Variants in CNTN6 observed in about 807,000 individuals in gnomAD.
The protein encoded by CNTN6 is contactin-6.
In CNTN6, 137 loss-of-function variants were observed where a neutral mutation model predicts 122.8. That is an observed-to-expected ratio of 1.12 (90% CI 0.97 to 1.29). The LOEUF (loss-of-function observed/expected upper bound fraction) is 1.29. Among genes scored for constraint, CNTN6 ranks in the 50% most tolerant of loss-of-function variants. The pLI, the probability that CNTN6 is intolerant of heterozygous loss-of-function variation, is 0.00. For missense variants in CNTN6, 1,634 were observed against 1,223.4 expected (o/e 1.34, Z -5.01); for synonymous variants, 570 against 426.0 (o/e 1.34, Z -4.16).
At chr3:1,149,630 T>C (rs183919239) in intron 2 of CNTN6, among the ~76,000 whole-genome samples, 4 of 152,282 alleles carry the variant, frequency 2.6e-5, no homozygotes, top group Admixed American at 6.5e-5. Context: ...AGTATTTTGA[T>C]TGGTGACACC....
At chr3:1,400,325 G>A (rs906044189) in intron 20 of CNTN6, among the ~76,000 whole-genome samples, 6 of 152,032 alleles carry the variant, frequency 3.9e-5, no homozygotes, top group South Asian at 2.1e-4. Context: ...GACTGAAAGC[G>A]CTAGACCAAG....
At chr3:1,392,118 A>T (rs1694243672) in intron 20 of CNTN6, among the ~76,000 whole-genome samples, 2 of 152,258 alleles carry the variant, frequency 1.3e-5, no homozygotes, top group South Asian at 4.1e-4. Context: ...AGCCAAAAGA[A>T]CAAAGCTGGA....
chr3:1,186,069 T>C (rs1450479769), intron 2 of CNTN6, among the ~76,000 whole-genome samples: 1 of 152,140 alleles, frequency 6.6e-6, no homozygotes, highest in Non-Finnish European at 1.5e-5. Flanking sequence ...GTTTATTGTT[T>C]AATATAGAAT....
intron 1 of CNTN6, among the ~76,000 whole-genome samples, chr3:1,110,466 T>C (rs140426757): frequency 8.5e-4 from 129 of 152,230 alleles, no homozygotes; most frequent in Middle Eastern, 3.4e-3. Flanking sequence ...ATCAATACCA[T>C]GCATTGTTCC....
At chr3:1,159,322 A>G (rs1318072408) in intron 2 of CNTN6, among the ~76,000 whole-genome samples, 2 of 152,000 alleles carry the variant, frequency 1.3e-5, no homozygotes, top group African/African-American at 4.8e-5. Context: ...GGTAGCATAC[A>G]CAGCGGGGGT....
intron 5 of CNTN6, among the ~76,000 whole-genome samples, chr3:1,286,373 G>C (rs748479997): frequency 6.6e-6 from 1 of 152,038 alleles, no homozygotes; most frequent in Non-Finnish European, 1.5e-5. Context: ...GTAGGCCCCA[G>C]TGTGTGATGG....
At chr3:1,242,871 G>A in intron 4 of CNTN6, among the ~76,000 whole-genome samples, 1 of 152,260 alleles carries the variant, frequency 6.6e-6, no homozygotes, top group East Asian at 1.9e-4. Context: ...GTTTTCAGGG[G>A]TTTTGAAGCC....
At chr3:1,369,710 T>G (rs998652785) in intron 12 of CNTN6, among the ~76,000 whole-genome samples, 2 of 152,152 alleles carry the variant, frequency 1.3e-5, no homozygotes, top group Admixed American at 6.5e-5. Flanking sequence ...GCAGTTTTGC[T>G]CTGTCAACAC....
chr3:1,131,851 G>A (rs2092344999), intron 1 of CNTN6, among the ~76,000 whole-genome samples: 1 of 152,034 alleles, frequency 6.6e-6, no homozygotes, highest in East Asian at 1.9e-4. Flanking sequence ...CCTGCGGGAT[G>A]GAAAGTTTGA....
At chr3:1,339,382 A>G (rs983427253) in intron 11 of CNTN6, among the ~76,000 whole-genome samples, 1 of 152,172 alleles carries the variant, frequency 6.6e-6, no homozygotes, top group African/African-American at 2.4e-5. Flanking sequence ...TTTATTTATA[A>G]GTATAGTGGC....
chr3:1,161,805 CAT>C (rs1292129114), intron 2 of CNTN6, among the ~76,000 whole-genome samples: 12 of 148,990 alleles, frequency 8.1e-5, no homozygotes, highest in Non-Finnish European at 1.0e-4. Flanking sequence ...CACACACAAA[CAT>C]ATATATGTTC....
At chr3:1,260,351 A>G (rs2094825581) in intron 4 of CNTN6, among the ~76,000 whole-genome samples, 1 of 152,106 alleles carries the variant, frequency 6.6e-6, no homozygotes, top group South Asian at 2.1e-4. Context: ...TATGCAACAT[A>G]ACACCTCTTA....
chr3:1,128,616 T>C (rs11919769), intron 1 of CNTN6, among the ~76,000 whole-genome samples: 60,209 of 151,776 alleles, frequency 0.4, 12,621 homozygotes, highest in East Asian at 0.48. Flanking sequence ...GATCATTGAG[T>C]TTAGAAACTA....
intron 2 of CNTN6, among the ~76,000 whole-genome samples, chr3:1,149,278 G>A (rs1476294625): frequency 1.2e-4 from 18 of 152,118 alleles, no homozygotes; most frequent in Admixed American, 1.2e-3. Context: ...TAGATCATAT[G>A]ATTATCAAAG....
intron 4 of CNTN6, among the ~76,000 whole-genome samples, chr3:1,266,976 A>G (rs1265907695): frequency 2.5e-5 from 2 of 79,706 alleles, no homozygotes; most frequent in African/African-American, 5.2e-5. Flanking sequence ...TTTTTTTTGG[A>G]GACAGAGTCT....
At chr3:1,154,031 G>C (rs1045866702) in intron 2 of CNTN6, among the ~76,000 whole-genome samples, 1 of 152,124 alleles carries the variant, frequency 6.6e-6, no homozygotes, top group African/African-American at 2.4e-5. Context: ...TGACATCTTC[G>C]CAATTTCTAA....
intron 2 of CNTN6, among the ~76,000 whole-genome samples, chr3:1,176,493 A>G (rs1040969057): frequency 3.9e-5 from 6 of 152,200 alleles, no homozygotes; most frequent in South Asian, 2.1e-4. Flanking sequence ...AATGACTAGC[A>G]TGCAACGGTG....
At chr3:1,228,015 T>C (rs1385918441) in intron 4 of CNTN6, 22 bp downstream of exon 4, 1 of 1,604,380 alleles carries the variant, frequency 6.2e-7, no homozygotes, top group Non-Finnish European at 8.5e-7. Flanking sequence ...GTAAATTTTG[T>C]AATCTTTGTC....
At chr3:1,385,224 ACT>A (rs1177739580) in intron 19 of CNTN6, among the ~76,000 whole-genome samples, 1 of 152,112 alleles carries the variant, frequency 6.6e-6, no homozygotes, top group East Asian at 1.9e-4. Context: ...GATTCAAATA[ACT>A]CTGAAAAGAA....
Sources: gnomAD v4.1 joint callset for allele counts (sites outside exome capture counted in the v4.1 genomes callset) on GRCh38, gnomAD v4.1.1 for gene constraint, MANE v1.5 for transcripts, NCBI Gene and HGNC (gene_info 2026-07-23, HGNC 2026-07-21) for gene names.